The following GNA14 variants were observed in gnomAD, a reference collection of about 807,000 sequenced individuals.
GNA14 encodes the protein G protein subunit alpha 14.
Under a neutral mutation model 42.0 loss-of-function variants are expected in GNA14, and 50 were observed. The observed-to-expected ratio is 1.19, with a 90% CI of 0.95 to 1.51. The LOEUF is 1.51. GNA14 is among the 40% of genes most tolerant of loss of function. The pLI is 0.00. For missense variants in GNA14, 473 were observed against 446.2 expected (o/e 1.06, Z -0.54); for synonymous variants, 173 against 163.1 (o/e 1.06, Z -0.46).
chr9:77,433,936 C>T (rs1050732169), intron 3 of GNA14, among the ~76,000 whole-genome samples: 3 of 152,124 alleles, frequency 2.0e-5, no homozygotes, highest in Non-Finnish European at 4.4e-5. Flanking sequence ...TAGATTTTAG[C>T]GCAATTGGAC....
At chr9:77,593,443 T>G (rs1021373644) in intron 1 of GNA14, among the ~76,000 whole-genome samples, 6 of 151,668 alleles carry the variant, frequency 4.0e-5, no homozygotes. Context: ...CCCAAGTAAC[T>G]GGGATTACAG....
intron 1 of GNA14, among the ~76,000 whole-genome samples, chr9:77,540,427 A>G (rs12005107): frequency 0.05 from 7,677 of 152,200 alleles, 597 homozygotes; most frequent in African/African-American, 0.17. Context: ...ATGTGCTGAT[A>G]AGAAGAATGT....
At chr9:77,488,674 A>T (rs548774189) in intron 2 of GNA14, among the ~76,000 whole-genome samples, 31 of 152,056 alleles carry the variant, frequency 2.0e-4, no homozygotes, top group Admixed American at 2.0e-3. Flanking sequence ...AATTGAGAAA[A>T]GCTTGGGCTC....
At chr9:77,509,027 T>C (rs1217380272) in intron 2 of GNA14, among the ~76,000 whole-genome samples, 1 of 152,186 alleles carries the variant, frequency 6.6e-6, no homozygotes, top group Non-Finnish European at 1.5e-5. Context: ...CATGCAACCA[T>C]CACCACCATC....
intron 1 of GNA14, among the ~76,000 whole-genome samples, chr9:77,549,618 G>A (rs1837765330): frequency 6.6e-6 from 1 of 152,148 alleles, no homozygotes; most frequent in Admixed American, 6.6e-5. Context: ...CTGACAATCT[G>A]CACAGAACAG....
At chr9:77,543,597 C>G (rs886401673) in intron 1 of GNA14, among the ~76,000 whole-genome samples, 1 of 152,204 alleles carries the variant, frequency 6.6e-6, no homozygotes, top group African/African-American at 2.4e-5. Flanking sequence ...GGTTAAGCGC[C>G]TCTCGCTGGT....
In GNA14 at chr9:77,647,731, G is replaced by T. The variant is rs370899063; in HGVS notation, c.63C>A (p.Ile21=). The change falls in exon 1 of 7, where the codon ATC becomes ATA. Residue 21 remains isoleucine, a synonymous_variant. Transcript: ENST00000341700. ...TCTTGTCCCGACGAAGCTGTCGCTC[G>T]ATCTCCGCGCTGATGCGCTGCGACT... is the stretch of plus-strand genomic sequence containing the variant. The part of the protein sequence containing the change: ...EKESQRISAE[I]ERQLRRDKKD... The T allele has an allele frequency of 2.5e-6, 4 of 1,609,788 alleles. No individual in the cohort carries two copies. Among genetic ancestry groups the T allele is most frequent in the Admixed American group, 3.4e-5 (2 of 59,566 alleles).
intron 2 of GNA14, among the ~76,000 whole-genome samples, chr9:77,523,277 G>A (rs1837385785): frequency 6.6e-6 from 1 of 152,288 alleles, no homozygotes; most frequent in Admixed American, 6.5e-5. Context: ...GCAGGGTGCT[G>A]GCATCTGCTC....
intron 1 of GNA14, among the ~76,000 whole-genome samples, chr9:77,577,876 AGAGT>A (rs1380990587): frequency 1.3e-5 from 2 of 152,128 alleles, no homozygotes; most frequent in Admixed American, 6.6e-5. Context: ...TCACCATTTA[AGAGT>A]TAGTATTACT....
chr9:77,536,382 G>A (rs970795693), intron 1 of GNA14, among the ~76,000 whole-genome samples: 1 of 152,080 alleles, frequency 6.6e-6, no homozygotes, highest in Non-Finnish European at 1.5e-5. Flanking sequence ...CAAGAGTCTC[G>A]CTCTGTCGCG....
chr9:77,591,290 T>C (rs528524832), intron 1 of GNA14, among the ~76,000 whole-genome samples: 5 of 152,330 alleles, frequency 3.3e-5, no homozygotes, highest in African/African-American at 1.2e-4. Context: ...AATATCAAGT[T>C]GTCCTGGTTG....
chr9:77,618,810 T>C (rs892521991), intron 1 of GNA14, among the ~76,000 whole-genome samples: 4 of 147,786 alleles, frequency 2.7e-5, no homozygotes, highest in Middle Eastern at 3.2e-3. Flanking sequence ...ATTTTTTGTA[T>C]TTTTAGTAGA....
At chr9:77,513,729 G>A (rs1370587621) in intron 2 of GNA14, among the ~76,000 whole-genome samples, 2 of 152,190 alleles carry the variant, frequency 1.3e-5, no homozygotes, top group Non-Finnish European at 2.9e-5. Context: ...CCGAACACAT[G>A]ATGACCTTAT....
chr9:77,428,071 CT>C (rs1182913068), intron 5 of GNA14, among the ~76,000 whole-genome samples: 31 of 130,626 alleles, frequency 2.4e-4, no homozygotes, highest in South Asian at 9.9e-4. Flanking sequence ...GGCATTTTTT[CT>C]TTTTTTTTTT....
At chr9:77,453,446 A>G (rs528869963) in intron 2 of GNA14, among the ~76,000 whole-genome samples, 33 of 152,370 alleles carry the variant, frequency 2.2e-4, no homozygotes, top group Non-Finnish European at 2.2e-4. Context: ...TGGTTCGCAC[A>G]TCAATATTCT....
At chr9:77,518,037 A>C (rs2131757060) in intron 2 of GNA14, 1 of 152,326 alleles carries the variant, frequency 6.6e-6, no homozygotes, top group Non-Finnish European at 1.5e-5. Context: ...CCAATAAAAG[A>C]AGCTTTGGTG....
At chr9:77,454,870 G>C (rs1835972963) in intron 2 of GNA14, among the ~76,000 whole-genome samples, 1 of 152,180 alleles carries the variant, frequency 6.6e-6, no homozygotes, top group Admixed American at 6.5e-5. Context: ...TGAATGTTTA[G>C]TTTGGGAAAT....
chr9:77,478,360 A>G (rs997143593), intron 2 of GNA14, among the ~76,000 whole-genome samples: 3 of 152,230 alleles, frequency 2.0e-5, no homozygotes. Context: ...CATGAACTCA[A>G]CATTTTTTAT....
chr9:77,546,884 G>A (rs1240759198), intron 1 of GNA14, among the ~76,000 whole-genome samples: 4 of 152,092 alleles, frequency 2.6e-5, no homozygotes, highest in African/African-American at 9.7e-5. Flanking sequence ...CATATCTTCT[G>A]GTTGCCCAGG....
Sources: allele counts gnomAD v4.1 joint callset (sites outside exome capture counted in the v4.1 genomes callset), GRCh38; gene constraint gnomAD v4.1.1; transcripts MANE v1.5; gene names NCBI Gene and HGNC (gene_info 2026-07-23, HGNC 2026-07-21).